ANKRD30B: variants seen among roughly 807,000 people sequenced by gnomAD.
The protein encoded by ANKRD30B is ankyrin repeat domain 30B, also known as ankyrin repeat domain-containing protein 30B.
Under a neutral mutation model 202.2 loss-of-function variants are expected in ANKRD30B, and 144 were observed. The ratio of observed to expected loss-of-function variants is 0.71; its 90% confidence interval spans 0.62 to 0.82. The LOEUF (loss-of-function observed/expected upper bound fraction) is 0.82, where lower values mean the gene tolerates loss of function less well. Among genes scored for constraint, ANKRD30B ranks in the 40% least tolerant of loss-of-function variants. The pLI is 0.00. For synonymous variants in ANKRD30B, 508 were observed against 561.3 expected (o/e 0.91, Z 1.34); for missense variants, 1,487 against 1,669.1 (o/e 0.89, Z 1.90).
chr18:14,878,516 G>C, the ANKRD30B span, among the ~76,000 whole-genome samples: 676 of 152,042 alleles, frequency 4.4e-3, 2 homozygotes, highest in African/African-American at 0.016. Context: ...AAAGCAAGAG[G>C]AGGGCAAACA....
intron 32 of ANKRD30B, among the ~76,000 whole-genome samples, chr18:14,826,343 T>C (rs1189563651): frequency 6.6e-6 from 1 of 152,206 alleles, no homozygotes; most frequent in Non-Finnish European, 1.5e-5. Context: ...AGCAGTAAGA[T>C]TATAACTGAA....
At position 14,748,486 on chromosome 18, in the gene ANKRD30B, G is replaced by C. The variant is rs1367075106; in HGVS notation, c.67G>C (p.Glu23Gln). ...RGPEPPNPFS[E>Q]RVYTEKDYGT... Reference sequence around the variant, plus strand: ...CCCGGAGCCCCCGAACCCCTTCAGCGAACGGGTCTACACTGAGAAGGACTA... The same window carrying C: ...CCCGGAGCCCCCGAACCCCTTCAGCCAACGGGTCTACACTGAGAAGGACTA... Residue 23 changes from glutamate (E) to glutamine (Q), a missense_variant, in exon 1 of 44, where the codon GAA (glutamate) becomes CAA (glutamine). Glu to Gln is a conservative substitution (Grantham distance 29). Coordinates refer to ENST00000690538, the MANE Select transcript of ANKRD30B (RefSeq NM_001367607.2). 3 of 1,548,050 alleles carry C rather than the reference G, an allele frequency of 1.9e-6. No individual in the cohort carries two copies. Among genetic ancestry groups the C allele is most frequent in the Non-Finnish European group, 2.6e-6 (3 of 1,145,070 alleles).
the ANKRD30B span, among the ~76,000 whole-genome samples, chr18:14,897,499 C>T: frequency 1.3e-5 from 2 of 151,794 alleles, no homozygotes; most frequent in African/African-American, 2.4e-5. Flanking sequence ...AAATTTTCTG[C>T]AAATTGTGTA....
the ANKRD30B span, among the ~76,000 whole-genome samples, chr18:14,881,204 T>C: frequency 6.6e-6 from 1 of 152,238 alleles, no homozygotes; most frequent in African/African-American, 2.4e-5. Context: ...CCATTCAGTA[T>C]TATGTTGGCT....
chr18:14,765,931 A>G (rs1272771477), intron 7 of ANKRD30B, among the ~76,000 whole-genome samples: 1 of 152,142 alleles, frequency 6.6e-6, no homozygotes, highest in African/African-American at 2.4e-5. Flanking sequence ...TAACGATAGT[A>G]ATTGGTAGGG....
chr18:14,806,174 C>A (rs1334410380), intron 24 of ANKRD30B, among the ~76,000 whole-genome samples: 1 of 148,954 alleles, frequency 6.7e-6, no homozygotes, highest in Non-Finnish European at 1.5e-5. Flanking sequence ...CAGCCCAGAT[C>A]TCAACACTGC....
At chr18:14,779,527 C>T (rs1967586935) in intron 10 of ANKRD30B, among the ~76,000 whole-genome samples, 2 of 152,062 alleles carry the variant, frequency 1.3e-5, no homozygotes, top group South Asian at 4.1e-4. Flanking sequence ...AAGAATCTTA[C>T]TTATTGATAA....
At chr18:14,760,138 A>C (rs1464075055) in intron 5 of ANKRD30B, among the ~76,000 whole-genome samples, 1 of 152,218 alleles carries the variant, frequency 6.6e-6, no homozygotes, top group African/African-American at 2.4e-5. Context: ...GAGCATTTTA[A>C]AAATGTTATC....
intron 20 of ANKRD30B, among the ~76,000 whole-genome samples, chr18:14,798,687 A>C (rs1172729139): frequency 1.3e-5 from 2 of 152,112 alleles, no homozygotes; most frequent in Non-Finnish European, 2.9e-5. Context: ...CAAGGGTAGC[A>C]TTCCATTCCC....
At chr18:14,786,941 A>T in intron 14 of ANKRD30B, 98 bp from the exon 15 acceptor site, 3 of 1,239,774 alleles carry the variant, frequency 2.4e-6, no homozygotes, top group Non-Finnish European at 3.3e-6. Flanking sequence ...ACAGAGGAAA[A>T]ACTACAGATT....
rs768906617 is a variant in ANKRD30B at position 14,791,476 on chromosome 18, A to C, written c.1810A>C (p.Ser604Arg). The change falls in exon 16 of 44, where the codon AGT (serine) becomes CGT (arginine). Residue 604 changes from serine to arginine, a missense_variant. Physicochemically the swap from Ser to Arg is moderately radical, Grantham distance 110 (BLOSUM62 -1). This residue lies in a region of ANKRD30B where 889 missense variants were observed against 841.4 expected (regional missense o/e 1.06). Coordinates refer to ENST00000690538, the MANE Select transcript of ANKRD30B (RefSeq NM_001367607.2). Reference sequence around the variant, plus strand: ...ACATCAAAAAGAATTCGATACCTTAAGTGGAAAATTAGAAGGTAAGAACCA... The same window carrying C: ...ACATCAAAAAGAATTCGATACCTTACGTGGAAAATTAGAAGGTAAGAACCA... ...ATHQKEFDTL[S>R]GKLEESPVKD... 27 of 1,608,954 alleles carry C rather than the reference A, an allele frequency of 1.7e-5. No homozygotes were observed. Among genetic ancestry groups the C allele is most frequent in the Non-Finnish European group, 2.1e-5 (25 of 1,178,192 alleles).
the ANKRD30B span, among the ~76,000 whole-genome samples, chr18:14,894,907 A>G: frequency 6.7e-6 from 1 of 149,332 alleles, no homozygotes; most frequent in Non-Finnish European, 1.5e-5. Context: ...AGTGGGCAAA[A>G]TCTGGACACA....
At chr18:14,899,108 T>C in the ANKRD30B span, among the ~76,000 whole-genome samples, 1 of 152,144 alleles carries the variant, frequency 6.6e-6, no homozygotes, top group Non-Finnish European at 1.5e-5. Context: ...AGAGTTTGAA[T>C]ATAATAAAAA....
chr18:14,820,546 T>C (rs1011057092), intron 30 of ANKRD30B, among the ~76,000 whole-genome samples: 3 of 152,168 alleles, frequency 2.0e-5, no homozygotes, highest in African/African-American at 7.2e-5. Context: ...CATCAATACC[T>C]AATTTATTGA....
At chr18:14,778,121 T>C in intron 10 of ANKRD30B, 46 bp downstream of exon 10, 1 of 1,296,284 alleles carries the variant, frequency 7.7e-7, no homozygotes, top group South Asian at 1.3e-5. Context: ...CAAATGTTTG[T>C]CTAAATTCAT....
At chr18:14,905,114 C>A in the ANKRD30B span, among the ~76,000 whole-genome samples, 1 of 152,356 alleles carries the variant, frequency 6.6e-6, no homozygotes, top group Non-Finnish European at 1.5e-5. Flanking sequence ...ATGGCAATAT[C>A]AGGAAGTTAC....
intron 34 of ANKRD30B, among the ~76,000 whole-genome samples, chr18:14,835,300 G>A (rs1179405833): frequency 2.6e-5 from 4 of 151,492 alleles, no homozygotes; most frequent in Non-Finnish European, 5.9e-5. Flanking sequence ...TCAAATGAAT[G>A]TAATCAGTAT....
intron 40 of ANKRD30B, among the ~76,000 whole-genome samples, 172 bp from the exon 41 acceptor site, chr18:14,850,042 T>C (rs2143260974): frequency 6.6e-6 from 1 of 151,644 alleles, no homozygotes; most frequent in South Asian, 2.1e-4. Context: ...AGTATGTATG[T>C]CATTTGGAAG....
chr18:14,827,330 C>A (rs904926351), intron 32 of ANKRD30B, among the ~76,000 whole-genome samples: 1 of 152,106 alleles, frequency 6.6e-6, no homozygotes, highest in African/African-American at 2.4e-5. Context: ...TTGTATATTT[C>A]TGGAATTCCA....
Sources: gnomAD v4.1 joint callset for allele counts (sites outside exome capture counted in the v4.1 genomes callset) on GRCh38, gnomAD v4.1.1 for gene constraint, gnomAD v4.1.1 regional missense constraint, MANE v1.5 for transcripts, NCBI Gene and HGNC (gene_info 2026-07-23, HGNC 2026-07-21) for gene names.